PCDHGA9: variants seen among roughly 807,000 people sequenced by gnomAD.
PCDHGA9 encodes protocadherin gamma subfamily A, 9, also known as protocadherin gamma-A9.
PCDHGA9 carries 37 observed loss-of-function variants against 62.5 expected under a neutral mutation model. The ratio of observed to expected loss-of-function variants is 0.59; its 90% CI spans 0.46 to 0.78. The LOEUF is 0.78. Among genes scored for constraint, PCDHGA9 ranks in the 30% least tolerant of loss-of-function variants. PCDHGA9 has a pLI of 0.00. For synonymous variants in PCDHGA9, 459 were observed against 484.6 expected (o/e 0.95, Z 0.69); for missense variants, 1,138 against 1,166.2 (o/e 0.98, Z 0.35).
chr5:141,404,517 A>G lies in PCDHGA9; in HGVS notation c.1565A>G (p.Tyr522Cys), dbSNP rs1268035794. Residue 522 changes from tyrosine to cysteine, a missense_variant, in exon 1 of 4, where the codon TAT becomes TGT. By Grantham distance (194) the Tyr-to-Cys change is radical (BLOSUM62 -2). Transcript: ENST00000573521. The stretch of plus-strand genomic sequence containing the variant: ...CTGTATGCTCTGTGCTCCTTTGACT[A>G]TGAGCAGTTTAGAGATTTGCAAATG... ...GVLYALCSFDYEQFRDLQMQV... is the reference protein window; with the variant it reads ...GVLYALCSFDCEQFRDLQMQV... 5 of 1,613,938 alleles carry G rather than the reference A, an allele frequency of 3.1e-6. No homozygotes were observed. Among genetic ancestry groups the G allele is most frequent in the Non-Finnish European group, 3.4e-6 (4 of 1,179,844 alleles).
intron 1 of PCDHGA9, among the ~76,000 whole-genome samples, chr5:141,435,308 A>G (rs2097757210): frequency 6.6e-6 from 1 of 152,186 alleles, no homozygotes; most frequent in African/African-American, 2.4e-5. Flanking sequence ...GTTTTAAATC[A>G]TTCATGAACT....
chr5:141,418,938 C>G, intron 1 of PCDHGA9: 1 of 1,613,738 alleles, frequency 6.2e-7, no homozygotes, highest in Non-Finnish European at 8.5e-7. Flanking sequence ...ATGGAGGATT[C>G]CCCTCCAGGA....
intron 1 of PCDHGA9, among the ~76,000 whole-genome samples, chr5:141,451,908 G>A (rs899191624): frequency 3.9e-5 from 6 of 152,046 alleles, no homozygotes; most frequent in African/African-American, 7.2e-5. Context: ...AAGGGAGGGA[G>A]GGAGGAAGGA....
rs556484142 is a variant in PCDHGA9 at position 141,503,243 on chromosome 5, CA to C, written c.2484-2149del. On this transcript the variant is annotated intron_variant, in intron 2 of 3. Coordinates refer to ENST00000573521, the MANE Select transcript of PCDHGA9 (RefSeq NM_018921.3). ...CACCGTAAAGATGGACAGTTTCTAT[CA>C]TACTCACAGCCACAACCCCAGCACC... Among the ~76,000 whole-genome samples, 232 of 152,196 alleles carry C rather than the reference CA, an allele frequency of 1.5e-3. 2 individuals carry two copies. Among genetic ancestry groups the C allele is most frequent in the African/African-American group, 5.3e-3 (219 of 41,516 alleles).
chr5:141,472,579 G>T (rs1172183592), intron 1 of PCDHGA9, among the ~76,000 whole-genome samples: 3 of 151,928 alleles, frequency 2.0e-5, no homozygotes, highest in Non-Finnish European at 4.4e-5. Context: ...GCATCTCATT[G>T]GTCAGAAGCT....
rs754547223 is a variant in PCDHGA9 at position 141,511,148 on chromosome 5, AGTC to A, written c.2776_2778del (p.Ser926del). The A allele has an allele frequency of 7.4e-6, 12 of 1,614,202 alleles. No individual in the cohort carries two copies. The highest frequency in any genetic ancestry group is 1.0e-5 in the Non-Finnish European group (12 of 1,180,016). ...GCAGGTGGCAATGGCAACAAGAAGA[AGTC>A]GGGCAAGAAGGAGAAGAAGTAACAT... On this transcript the variant is annotated inframe_deletion, in exon 4 of 4. Coordinates refer to ENST00000573521, the MANE Select transcript of PCDHGA9 (RefSeq NM_018921.3).
chr5:141,430,595 G>A (rs549786394), intron 1 of PCDHGA9: 28 of 567,134 alleles, frequency 4.9e-5, no homozygotes, highest in African/African-American at 3.8e-4. Flanking sequence ...CCTTGCACGC[G>A]CCTGAAGCAC....
intron 1 of PCDHGA9, among the ~76,000 whole-genome samples, chr5:141,438,396 A>T (rs1026490705): frequency 6.6e-6 from 1 of 150,930 alleles, no homozygotes. Context: ...TTCATCATTA[A>T]CTCTCTGAAG....
intron 1 of PCDHGA9, among the ~76,000 whole-genome samples, chr5:141,446,868 C>T (rs980547855): frequency 6.6e-6 from 1 of 152,160 alleles, no homozygotes; most frequent in Non-Finnish European, 1.5e-5. Flanking sequence ...TAGCTCTACA[C>T]TGGTATGTTT....
At position 141,461,820 on chromosome 5, in the gene PCDHGA9, AT is replaced by A. The variant is rs1458631685; in HGVS notation, c.2425-32978del. Among the ~76,000 whole-genome samples the A allele has an allele frequency of 8.1e-5, 12 of 147,918 alleles. 1 individual carries two copies. In the South Asian group the frequency reaches 1.3e-3, roughly 16 times the overall value. On this transcript the variant is annotated intron_variant, in intron 1 of 3. Transcript: ENST00000573521. ...AGGTGCCCACCACCACACCCAGCTAATTTTTTTTTCTTTTTTTTTTGAGACA... is the reference window on the plus strand; with the variant it reads ...AGGTGCCCACCACCACACCCAGCTAATTTTTTTTCTTTTTTTTTTGAGACA...
chr5:141,430,399 T>C (rs2097282187), intron 1 of PCDHGA9, among the ~76,000 whole-genome samples: 1 of 150,106 alleles, frequency 6.7e-6, no homozygotes, highest in African/African-American at 2.4e-5. Flanking sequence ...AAAAAAAAGC[T>C]CACTAAAGTT....
chr5:141,427,458 A>T (rs2097029342), intron 1 of PCDHGA9: 1 of 494,398 alleles, frequency 2.0e-6, no homozygotes, highest in African/African-American at 1.9e-5. Context: ...TCCTTTTAGA[A>T]TCGAATCTTC....
chr5:141,404,707 C>G lies in PCDHGA9; in HGVS notation c.1755C>G (p.Gly585=). The G allele has an allele frequency of 6.2e-7, 1 of 1,614,122 alleles. No individual in the cohort carries two copies. Among genetic ancestry groups the G allele is most frequent in the Non-Finnish European group, 8.5e-7 (1 of 1,180,012 alleles). Residue 585 remains glycine (G), a synonymous_variant, in exon 1 of 4, where the codon GGC becomes GGG. Coordinates refer to ENST00000573521, the MANE Select transcript of PCDHGA9 (RefSeq NM_018921.3). ...TGGCACCCCGCTCTGCAGAGCCTGG[C>G]TACCTGGTGACCAAGGTGGTGGCAG... ...VELAPRSAEP[G]YLVTKVVAVD... is the part of the protein sequence containing the mutation.
chr5:141,503,212 C>G (rs1227936455), intron 2 of PCDHGA9, among the ~76,000 whole-genome samples: 1 of 152,074 alleles, frequency 6.6e-6, no homozygotes, highest in African/African-American at 2.4e-5. Flanking sequence ...CAGTGCCCAC[C>G]ATGAGCACCG....
chr5:141,444,800 A>G (rs1294854513), intron 1 of PCDHGA9, among the ~76,000 whole-genome samples: 1 of 152,078 alleles, frequency 6.6e-6, no homozygotes, highest in East Asian at 1.9e-4. Flanking sequence ...CTATTCTTTT[A>G]CTAATAGCAC....
chr5:141,476,839 G>A lies in PCDHGA9; in HGVS notation c.2425-17968G>A, dbSNP rs372676286. The A allele has an allele frequency of 5.0e-6, 8 of 1,613,490 alleles. No homozygotes were observed. Among genetic ancestry groups the A allele is most frequent in the South Asian group, 1.1e-5 (1 of 91,088 alleles). On this transcript the variant is annotated intron_variant, in intron 1 of 3. Transcript: ENST00000573521. The surrounding 1 kb of genome is among the most constrained non-coding windows in gnomAD (Gnocchi z 7.6). ...AGGTGCTGGACGCGAATGACAATGC[G>A]CCTGTCTTCAACCAGTCCTTGTACC...
rs1326296096 is a variant in PCDHGA9, at chr5:141,505,460, A to G, written c.2551A>G (p.Met851Val). The change falls in exon 3 of 4, where the codon ATG becomes GTG. Residue 851 changes from methionine to valine, a missense_variant. Transcript: ENST00000573521. Reference protein sequence around the residue: ...NQFDTEMLQAMILASASEAAD... With the variant: ...NQFDTEMLQAVILASASEAAD... ...GTTTGACACAGAGATGCTGCAAGCC[A>G]TGATCTTGGCGTCCGCCAGTGGTAA... 2 of 1,614,070 alleles carry G rather than the reference A, an allele frequency of 1.2e-6. No homozygotes were observed. The highest frequency in any genetic ancestry group is 1.3e-5 in the African/African-American group (1 of 74,942).
At position 141,491,681 on chromosome 5, in the gene PCDHGA9, C is replaced by T; in HGVS notation, c.2425-3126C>T. 6.2e-6 allele frequency: 10 copies of T among 1,613,458 alleles called. No homozygotes were observed. Among genetic ancestry groups the T allele is most frequent in the Non-Finnish European group, 8.5e-6 (10 of 1,179,804 alleles). On this transcript the variant is annotated intron_variant, in intron 1 of 3. Transcript: ENST00000573521. The surrounding 1 kb of genome is among the most constrained non-coding windows in gnomAD (Gnocchi z 6.9). ...GACGCCATCCGGTCCCGCTCTAATA[C>T]GCTGCGGGAGCGGAGCCAGGTGAGG...
In PCDHGA9 at chr5:141,486,043, A is replaced by G. The variant is rs1193580610; in HGVS notation, c.2425-8764A>G. 6.2e-7 allele frequency: 1 copy of G among 1,614,050 alleles called. No homozygotes were observed. Among genetic ancestry groups the G allele is most frequent in the African/African-American group, 1.3e-5 (1 of 74,918 alleles). ...GTGGTCATACCCCTGATCGTGTAAG[A>G]AACCTCTTTAGCCTGCACCCCACTA... On this transcript the variant is annotated intron_variant, in intron 1 of 3. Transcript: ENST00000573521. This position sits in a 1 kb window ranked among gnomAD's most constrained non-coding sequence, Gnocchi z 5.0.
Sources: gnomAD v4.1 joint callset for allele counts (sites outside exome capture counted in the v4.1 genomes callset) on GRCh38, gnomAD v4.1.1 for gene constraint, Gnocchi (gnomAD v3.1) non-coding constraint, MANE v1.5 for transcripts, NCBI Gene and HGNC (gene_info 2026-07-23, HGNC 2026-07-21) for gene names.